RUNX1: variants seen among roughly 807,000 people sequenced by gnomAD.
The protein encoded by RUNX1 is RUNX family transcription factor 1, also known as runt-related transcription factor 1.
In RUNX1, 19 loss-of-function variants were observed where a neutral mutation model predicts 42.8. The observed-to-expected ratio is 0.44, with a 90% CI of 0.31 to 0.65. RUNX1 has a LOEUF of 0.65. RUNX1 is among the 30% of genes least tolerant of loss of function. The pLI, the probability that RUNX1 is intolerant of heterozygous loss-of-function variation, is 0.07. For synonymous variants in RUNX1, 271 were observed against 289.4 expected (o/e 0.94, Z 0.64); for missense variants, 528 against 672.0 (o/e 0.79, Z 2.37).
intron 2 of RUNX1, among the ~76,000 whole-genome samples, chr21:35,027,706 G>A (rs965545256): frequency 2.0e-5 from 3 of 152,166 alleles, no homozygotes; most frequent in Non-Finnish European, 4.4e-5. Context: ...GGAAGGGTGG[G>A]ATGTGGCAAA....
intron 2 of RUNX1, among the ~76,000 whole-genome samples, chr21:34,897,441 C>T (rs539496242): frequency 1.3e-5 from 2 of 152,340 alleles, no homozygotes; most frequent in African/African-American, 4.8e-5. Flanking sequence ...AAGAGCTACC[C>T]TTCCTGTCCT....
At chr21:34,847,188 C>T (rs745780789) in intron 6 of RUNX1, among the ~76,000 whole-genome samples, 1 of 152,106 alleles carries the variant, frequency 6.6e-6, no homozygotes, top group Non-Finnish European at 1.5e-5. Context: ...AAAGTATATT[C>T]ATATAAAACT....
At chr21:35,028,825 T>C (rs1375164733) in intron 2 of RUNX1, among the ~76,000 whole-genome samples, 1 of 152,150 alleles carries the variant, frequency 6.6e-6, no homozygotes, top group Non-Finnish European at 1.5e-5. Flanking sequence ...GCAGGGACAC[T>C]CTCTATGGGT....
chr21:34,821,019 CAACTTT>C (rs1212988544), intron 7 of RUNX1, among the ~76,000 whole-genome samples: 3 of 152,220 alleles, frequency 2.0e-5, no homozygotes, highest in African/African-American at 7.2e-5. Context: ...AAGGTCCTTT[CAACTTT>C]AACAGTTTAC....
chr21:34,971,973 T>C (rs1226919617), intron 2 of RUNX1, among the ~76,000 whole-genome samples: 1 of 152,254 alleles, frequency 6.6e-6, no homozygotes, highest in Non-Finnish European at 1.5e-5. Context: ...GGGTTATAAC[T>C]GATCTCTTAG....
At chr21:34,906,581 G>C (rs948971356) in intron 2 of RUNX1, among the ~76,000 whole-genome samples, 1 of 152,206 alleles carries the variant, frequency 6.6e-6, no homozygotes, top group African/African-American at 2.4e-5. Flanking sequence ...AGGCCACATA[G>C]AGATGGAGCA....
intron 3 of RUNX1, chr21:34,888,235 G>T (rs2058026388): frequency 9.4e-7 from 1 of 1,066,968 alleles, no homozygotes; most frequent in Non-Finnish European, 1.1e-6. Context: ...ACCCACGAGC[G>T]CCGCGTAACC....
intron 7 of RUNX1, among the ~76,000 whole-genome samples, chr21:34,817,915 A>G (rs2056851101): frequency 6.6e-6 from 1 of 152,186 alleles, no homozygotes; most frequent in Non-Finnish European, 1.5e-5. Context: ...CTGGATTTGC[A>G]AAGTGTCTGC....
chr21:35,002,926 T>C (rs2059057367), intron 2 of RUNX1, among the ~76,000 whole-genome samples: 2 of 152,200 alleles, frequency 1.3e-5, no homozygotes, highest in African/African-American at 4.8e-5. Context: ...ATTATTTTTG[T>C]AATGAGACAA....
chr21:34,819,295 T>G (rs1601387843), intron 7 of RUNX1, among the ~76,000 whole-genome samples: 1 of 152,290 alleles, frequency 6.6e-6, no homozygotes, highest in Admixed American at 6.5e-5. Context: ...AGCCCAGAGC[T>G]CGAGCCCCCG....
At chr21:34,930,270 G>GTGTATGTGTA (rs372412304) in intron 2 of RUNX1, among the ~76,000 whole-genome samples, 11 of 123,038 alleles carry the variant, frequency 8.9e-5, no homozygotes, top group African/African-American at 4.1e-4. Flanking sequence ...GTGTGTGTAT[G>GTGTATGTGTA]TATATATATA....
Position 34,986,597 on chromosome 21 carries a change from G to C in RUNX1, c.58+62245C>G, listed in dbSNP as rs534005696. Among the ~76,000 whole-genome samples the C allele has an allele frequency of 4.7e-5, 7 of 149,614 alleles. 1 individual carries two copies. In the South Asian group the frequency reaches 1.5e-3, roughly 33 times the overall value. ...GGTTGGCTGCTAAATTCAATGATCA[G>C]CATCCTTATAAGAAGAGGAGAAGAC... On this transcript the variant is annotated intron_variant, in intron 2 of 8. Coordinates refer to ENST00000675419, the MANE Select transcript of RUNX1 (RefSeq NM_001754.5).
rs200304107 is a variant in RUNX1 at position 34,891,707 on chromosome 21, T to TA, written c.97+1217dup. 3.3e-3 allele frequency among the ~76,000 whole-genome samples: 483 copies of TA among 147,780 alleles called. 9 individuals are homozygous for TA. Among genetic ancestry groups the TA allele is most frequent in the East Asian group, 0.024 (122 of 5,070 alleles). On this transcript the variant is annotated intron_variant, in intron 3 of 8. Coordinates refer to ENST00000675419, the MANE Select transcript of RUNX1 (RefSeq NM_001754.5). ...ATTTACTTTTGTCATAATGCAAAAT[T>TA]AAAAAAAAAAAAAATACAACGAAGC...
At chr21:34,796,629 C>A (rs186827595) in intron 8 of RUNX1, among the ~76,000 whole-genome samples, 28 of 152,326 alleles carry the variant, frequency 1.8e-4, no homozygotes, top group African/African-American at 6.7e-4. Flanking sequence ...CTCAAGTCTT[C>A]GCTCTCCAGC....
chr21:34,950,598 A>G (rs1429338743), intron 2 of RUNX1, among the ~76,000 whole-genome samples: 1 of 152,190 alleles, frequency 6.6e-6, no homozygotes, highest in Non-Finnish European at 1.5e-5. Context: ...TTAGCTGCGC[A>G]TGGTGGCGGG....
intron 5 of RUNX1, among the ~76,000 whole-genome samples, chr21:34,874,868 A>G (rs2057791981): frequency 6.6e-6 from 1 of 152,112 alleles, no homozygotes; most frequent in African/African-American, 2.4e-5. Context: ...CTGAAACAGG[A>G]AGCTCTAAAA....
rs776866671 is a variant in RUNX1, at chr21:34,993,497, CTACA to C, written c.58+55341_58+55344del. Among the ~76,000 whole-genome samples the C allele has an allele frequency of 2.0e-3, 233 of 119,226 alleles. 2 individuals are homozygous for C. The highest frequency in any genetic ancestry group is 7.6e-3 in the African/African-American group (217 of 28,568). The allele number at this position is 119,226 out of a possible 152,430, so 78.2% of individuals were successfully genotyped here. A position where few individuals can be genotyped will look rare whatever the true frequency, so the allele number is the denominator to read the frequency against. On this transcript the variant is annotated intron_variant, in intron 2 of 8. Coordinates refer to ENST00000675419, the MANE Select transcript of RUNX1 (RefSeq NM_001754.5). ...GAGGACAATGTCTGTTTGTTTGTCCCTACACACACACACACACACACACACACAC... is the reference window on the plus strand; with the variant it reads ...GAGGACAATGTCTGTTTGTTTGTCCCCACACACACACACACACACACACAC...
At chr21:34,866,074 T>C (rs1382789204) in intron 5 of RUNX1, among the ~76,000 whole-genome samples, 1 of 152,120 alleles carries the variant, frequency 6.6e-6, no homozygotes, top group Non-Finnish European at 1.5e-5. Context: ...TCACTCTCCT[T>C]AGTGTAGGTC....
At chr21:35,001,020 C>T (rs776479906) in intron 2 of RUNX1, among the ~76,000 whole-genome samples, 9 of 152,138 alleles carry the variant, frequency 5.9e-5, no homozygotes, top group Non-Finnish European at 1.3e-4. Context: ...TTGCAGTTTC[C>T]AGATTTCTTA....
Sources: gnomAD v4.1 joint callset for allele counts (sites outside exome capture counted in the v4.1 genomes callset) on GRCh38, gnomAD v4.1.1 for gene constraint, MANE v1.5 for transcripts, NCBI Gene and HGNC (gene_info 2026-07-23, HGNC 2026-07-21) for gene names.